Variants in TTC3 observed in about 807,000 individuals in gnomAD.
The protein encoded by TTC3 is tetratricopeptide repeat domain 3.
TTC3 carries 180 observed loss-of-function variants against 249.6 expected under a neutral mutation model. The ratio of observed to expected loss-of-function variants is 0.72; its 90% confidence interval spans 0.64 to 0.82. The LOEUF is 0.82. Among genes scored for constraint, TTC3 ranks in the 40% least tolerant of loss-of-function variants. The probability of loss-of-function intolerance (pLI) is 0.00; values close to 1 mark genes in which losing one functional copy is unlikely to be tolerated. For synonymous variants in TTC3, 717 were observed against 805.0 expected (o/e 0.89, Z 1.85); for missense variants, 2,061 against 2,398.4 (o/e 0.86, Z 2.94).
At chr21:37,104,606 A>AAG (rs1475666204) in intron 10 of TTC3, among the ~76,000 whole-genome samples, 1 of 150,848 alleles carries the variant, frequency 6.6e-6, no homozygotes, top group Admixed American at 6.6e-5. Context: ...AAAAAAAAAA[A>AAG]AAAGAAAGAA....
At chr21:37,121,219 G>A (rs928325243) in intron 11 of TTC3, 1 of 152,168 alleles carries the variant, frequency 6.6e-6, no homozygotes, top group African/African-American at 2.4e-5. Flanking sequence ...TAAATCCCTG[G>A]TTTTTGGTTT....
intron 13 of TTC3, among the ~76,000 whole-genome samples, chr21:37,124,342 C>A (rs952014385): frequency 6.6e-6 from 1 of 151,832 alleles, no homozygotes; most frequent in Non-Finnish European, 1.5e-5. Context: ...GTCTTGAACT[C>A]CTGACCTTAG....
At chr21:37,128,890 C>A in intron 15 of TTC3, 113 bp from the exon 16 acceptor site, 1 of 697,058 alleles carries the variant, frequency 1.4e-6, no homozygotes. Flanking sequence ...ACCCACGTAC[C>A]ACATTTCTGC....
rs1453906281 is a variant in TTC3, at chr21:37,152,033, T to C, written c.2413+4T>C. On this transcript the variant is annotated splice_donor_region_variant and intron_variant, in intron 26 of 45. Transcript: ENST00000355666. ...CCCAAAAATGAAGAGCAGAAAGGTA[T>C]GCAGAAGCCAAAGGCATGATAAGAA... 14 of 1,570,546 alleles carry C rather than the reference T, an allele frequency of 8.9e-6. No individual in the cohort carries two copies. The highest frequency in any genetic ancestry group is 1.2e-5 in the Non-Finnish European group (14 of 1,166,586).
At chr21:37,157,100 A>C in intron 28 of TTC3, 194 bp downstream of exon 28, 1 of 1,402,512 alleles carries the variant, frequency 7.1e-7, no homozygotes, top group Non-Finnish European at 9.7e-7. Flanking sequence ...TTTATCAGTT[A>C]AAGAGATACT....
chr21:37,104,588 CAAAAA>C (rs141618903), intron 10 of TTC3, among the ~76,000 whole-genome samples: 13 of 104,300 alleles, frequency 1.2e-4, no homozygotes, highest in East Asian at 2.9e-4. Flanking sequence ...AACTCCGTCT[CAAAAA>C]AAAAAAAAAA....
At chr21:37,154,389 ATAGT>A (rs2079790835) in intron 27 of TTC3, among the ~76,000 whole-genome samples, 1 of 152,364 alleles carries the variant, frequency 6.6e-6, no homozygotes, top group East Asian at 1.9e-4. Context: ...CAAGCCTGGC[ATAGT>A]TAGACAGCTG....
At chr21:37,087,299 T>C (rs754941611) in exon 2 of TTC3, 21 of 1,614,138 alleles carry the variant, frequency 1.3e-5, no homozygotes, top group Middle Eastern at 1.7e-4. Context: ...TGGCGGATTA[T>C]GCCTTGTTAG....
At chr21:37,152,929 A>C (rs2079621224) in intron 26 of TTC3, 22 bp from the exon 27 acceptor site, 1 of 1,539,620 alleles carries the variant, frequency 6.5e-7, no homozygotes, top group Admixed American at 2.1e-5. Flanking sequence ...TTATCACTTT[A>C]ACCATTGTTA....
At chr21:37,101,975 TTATAGA>T (rs1323705099) in intron 10 of TTC3, among the ~76,000 whole-genome samples, 1 of 149,766 alleles carries the variant, frequency 6.7e-6, no homozygotes, top group Non-Finnish European at 1.5e-5. Flanking sequence ...CAATGTTAAA[TTATAGA>T]TATATTAGTA....
chr21:37,099,331 G>A (rs981630046), intron 10 of TTC3, among the ~76,000 whole-genome samples: 2 of 152,146 alleles, frequency 1.3e-5, no homozygotes, highest in African/African-American at 4.8e-5. Context: ...ACTACGTGAG[G>A]TAGGTGCTAC....
chr21:37,131,303 GC>G (rs369312009), intron 16 of TTC3, among the ~76,000 whole-genome samples: 30 of 152,270 alleles, frequency 2.0e-4, no homozygotes, highest in East Asian at 1.9e-3. Flanking sequence ...GAGGAGGGGG[GC>G]TGGAAATTGA....
chr21:37,175,208 G>T (rs984392893), intron 35 of TTC3, among the ~76,000 whole-genome samples: 1 of 141,552 alleles, frequency 7.1e-6, no homozygotes, highest in Non-Finnish European at 1.5e-5. Flanking sequence ...AGCTTGCACC[G>T]AGCCGAGATC....
At chr21:37,135,448 G>T in exon 18 of TTC3, 1 of 1,614,072 alleles carries the variant, frequency 6.2e-7, no homozygotes, top group Non-Finnish European at 8.5e-7. Context: ...TATTGGAGCA[G>T]CGTTGCCGCA....
At chr21:37,188,296 T>A in intron 38 of TTC3, 199 bp from the exon 39 acceptor site, 1 of 491,620 alleles carries the variant, frequency 2.0e-6, no homozygotes, top group Non-Finnish European at 3.7e-6. Flanking sequence ...AGGTATGCAT[T>A]TGTGATGTCA....
intron 13 of TTC3, among the ~76,000 whole-genome samples, chr21:37,123,549 A>G (rs2835610): frequency 0.65 from 98,990 of 152,086 alleles, 32,451 homozygotes; most frequent in Admixed American, 0.7. Context: ...TTCTACCTTT[A>G]CTTATTTGGC....
At chr21:37,140,745 T>C (rs548815203) in intron 20 of TTC3, 72 bp downstream of exon 20, 4 of 1,044,026 alleles carry the variant, frequency 3.8e-6, no homozygotes, top group Non-Finnish European at 5.5e-6. Context: ...TAATGATCCA[T>C]TTTCTAGAAT....
chr21:37,088,695 GAGAA>G (rs2072849106), intron 4 of TTC3, 100 bp from the exon 5 acceptor site: 2 of 1,063,720 alleles, frequency 1.9e-6, no homozygotes, highest in Non-Finnish European at 2.7e-6. Context: ...TGAAGAAAAA[GAGAA>G]CTTATTTTTT....
At chr21:37,119,397 G>A (rs370952772) in intron 11 of TTC3, among the ~76,000 whole-genome samples, 1 of 152,124 alleles carries the variant, frequency 6.6e-6, no homozygotes, top group African/African-American at 2.4e-5. Flanking sequence ...TCCGGCTCTT[G>A]TTCCCTGTTA....
Sources: gnomAD v4.1 joint callset for allele counts (sites outside exome capture counted in the v4.1 genomes callset) on GRCh38, gnomAD v4.1.1 for gene constraint, MANE v1.5 for transcripts, NCBI Gene and HGNC (gene_info 2026-07-23, HGNC 2026-07-21) for gene names.